Variants in ASTN1 observed in about 807,000 individuals in gnomAD.
ASTN1 encodes the protein astrotactin 1, also known as astrotactin-1.
A neutral mutation model predicts 140.7 loss-of-function variants in ASTN1; 41 were observed. The ratio of observed to expected loss-of-function variants is 0.29; its 90% CI spans 0.23 to 0.38. The LOEUF (loss-of-function observed/expected upper bound fraction) is 0.38, where lower values mean the gene tolerates loss of function less well. Ranked by LOEUF, ASTN1 falls within the 10% of genes least tolerant of loss-of-function variation. ASTN1 has a pLI of 1.00. For synonymous variants in ASTN1, 640 were observed against 652.2 expected, an observed-to-expected ratio of 0.98 and a Z score of 0.29; for missense variants, 1,479 against 1,678.8, an observed-to-expected ratio of 0.88 and a Z score of 2.08.
chr1:176,958,997 AG>A (rs1438193702), intron 9 of ASTN1, among the ~76,000 whole-genome samples: 1 of 152,152 alleles, frequency 6.6e-6, no homozygotes, highest in Non-Finnish European at 1.5e-5. Flanking sequence ...TCCAGGGAGG[AG>A]AGAAGAGCAG....
At chr1:177,032,343 G>T (rs1676482489) in intron 3 of ASTN1, 113 bp downstream of exon 3, 16 of 1,398,522 alleles carry the variant, frequency 1.1e-5, no homozygotes, top group East Asian at 2.3e-5. Flanking sequence ...GAAGGGCACT[G>T]CCACATCACA....
Position 177,043,147 on chromosome 1 carries a change from G to A in ASTN1, c.472-10298C>T, listed in dbSNP as rs920595279. On this transcript the variant is annotated intron_variant, in intron 2 of 22. Coordinates refer to ENST00000361833, the MANE Select transcript of ASTN1 (RefSeq NM_004319.3). ...GAAATCAACTGTCCTCAGAGTCTGA[G>A]AGTACAGACACTCAACCATTTCCTT... is the stretch of plus-strand genomic sequence containing the variant. Among the ~76,000 whole-genome samples the A allele has an allele frequency of 5.9e-5, 9 of 152,216 alleles. No homozygotes were observed. The South Asian group carries it at 6.2e-4, about 11-fold the overall frequency.
intron 16 of ASTN1, among the ~76,000 whole-genome samples, chr1:176,914,598 A>G (rs139911927): frequency 2.0e-5 from 3 of 152,372 alleles, no homozygotes; most frequent in Admixed American, 6.5e-5. Flanking sequence ...CAAGTTAGGA[A>G]GCAAGCAGTG....
intron 2 of ASTN1, among the ~76,000 whole-genome samples, chr1:177,052,397 A>G (rs1677585153): frequency 6.6e-6 from 1 of 152,230 alleles, no homozygotes; most frequent in Non-Finnish European, 1.5e-5. Context: ...ATCTCATTTA[A>G]TAATTAAAAC....
In ASTN1 at chr1:177,023,493, G is replaced by A. The variant is rs777135736; in HGVS notation, c.1349C>T (p.Ser450Phe). The A allele has an allele frequency of 5.6e-6, 9 of 1,612,772 alleles. No individual in the cohort carries two copies. Among genetic ancestry groups the A allele is most frequent in the Non-Finnish European group, 7.6e-6 (9 of 1,179,552 alleles). ...CCAGGGTCCGCTGGAGTTCTGCTGA[G>A]AGAAGAGAACCACTTGGGCAGGGTT... ...WLNPAQVVLFSQQNSSGPWAM... is the reference protein window; with the variant it reads ...WLNPAQVVLFFQQNSSGPWAM... Residue 450 changes from serine (S) to phenylalanine (F), a missense_variant, in exon 7 of 23, where the codon TCT (serine) becomes TTT (phenylalanine). Ser to Phe is a radical substitution (Grantham distance 155, BLOSUM62 -2). Transcript: ENST00000361833.
chr1:176,883,656 C>A (rs997216944), intron 19 of ASTN1, among the ~76,000 whole-genome samples: 1 of 152,192 alleles, frequency 6.6e-6, no homozygotes, highest in Non-Finnish European at 1.5e-5. Flanking sequence ...ATGTCTCTAA[C>A]CCTCAGTGGC....
intron 1 of ASTN1, among the ~76,000 whole-genome samples, chr1:177,155,827 G>A (rs542873218): frequency 6.6e-6 from 1 of 152,304 alleles, no homozygotes; most frequent in Admixed American, 6.5e-5. Context: ...GTTACATATA[G>A]AAATATTTAC....
intron 20 of ASTN1, among the ~76,000 whole-genome samples, chr1:176,877,689 C>A (rs1179727289): frequency 6.6e-6 from 1 of 152,220 alleles, no homozygotes; most frequent in Non-Finnish European, 1.5e-5. Flanking sequence ...CCTCTGATAA[C>A]CAACCCAGTC....
Position 177,047,451 on chromosome 1 carries a change from G to T in ASTN1, c.471+13627C>A, listed in dbSNP as rs114692628. Among the ~76,000 whole-genome samples, 571 of 152,276 alleles carry T rather than the reference G, an allele frequency of 3.7e-3. 1 individual carries two copies. Among genetic ancestry groups the T allele is most frequent in the Non-Finnish European group, 5.9e-3 (400 of 68,018 alleles). On this transcript the variant is annotated intron_variant, in intron 2 of 22. Transcript: ENST00000361833. ...GAGGAGATGAGGGTCAGGCATGAAA[G>T]GTTTAACACCCTGGAAGTTAGCCTT... is the stretch of plus-strand genomic sequence containing the variant.
At chr1:177,098,457 T>G (rs966982171) in intron 1 of ASTN1, among the ~76,000 whole-genome samples, 2 of 152,200 alleles carry the variant, frequency 1.3e-5, no homozygotes, top group African/African-American at 4.8e-5. Context: ...TATTTTTATT[T>G]TTTCTTATTT....
chr1:176,994,018 C>CGT (rs66820378), intron 8 of ASTN1, among the ~76,000 whole-genome samples: 76 of 74,270 alleles, frequency 1.0e-3, no homozygotes, highest in African/African-American at 3.6e-3. Flanking sequence ...TGTGTGTGTA[C>CGT]GTGTGTGTGT....
intron 1 of ASTN1, among the ~76,000 whole-genome samples, chr1:177,065,678 G>T (rs913481236): frequency 1.3e-5 from 2 of 152,270 alleles, no homozygotes; most frequent in African/African-American, 4.8e-5. Flanking sequence ...CTGCAGGGGG[G>T]ATGAGGTGGA....
Position 176,916,901 on chromosome 1 carries a change from G to A in ASTN1, c.2671+17251C>T, listed in dbSNP as rs761596431. 3.9e-5 allele frequency among the ~76,000 whole-genome samples: 6 copies of A among 152,016 alleles called. No homozygotes were observed. In the South Asian group the frequency reaches 8.3e-4, roughly 21 times the overall value. Reference sequence around the variant, plus strand: ...TGGCCCTTTGAACCTCTGCCTCCCCGCCCCGCCCACAACCAGCCTCTCTCC... The same window carrying A: ...TGGCCCTTTGAACCTCTGCCTCCCCACCCCGCCCACAACCAGCCTCTCTCC... On this transcript the variant is annotated intron_variant, in intron 16 of 22. Transcript: ENST00000361833.
chr1:176,943,782 A>G lies in ASTN1; in HGVS notation c.2377+109T>C, dbSNP rs1000280263. On this transcript the variant is annotated intron_variant, in intron 14 of 22. Coordinates refer to ENST00000361833, the MANE Select transcript of ASTN1 (RefSeq NM_004319.3). ...GCTGAGCTTTTATTGTGTATGAAGG[A>G]AATCACTGGCTTAGAAACCAAAATA... is the stretch of plus-strand genomic sequence containing the variant. 4 of 1,344,610 alleles carry G rather than the reference A, an allele frequency of 3.0e-6. No homozygotes were observed. In the African/African-American group the frequency reaches 5.9e-5, roughly 20 times the overall value. 83.3% of individuals were successfully genotyped at this position (1,344,610 alleles called of 1,614,324 possible). A position where few individuals can be genotyped will look rare whatever the true frequency, so the allele number is the denominator to read the frequency against.
intron 1 of ASTN1, among the ~76,000 whole-genome samples, chr1:177,130,847 C>G (rs1219162315): frequency 6.6e-6 from 1 of 152,224 alleles, no homozygotes; most frequent in Non-Finnish European, 1.5e-5. Flanking sequence ...TCCTGGCATG[C>G]AGCATTCTCT....
intron 16 of ASTN1, among the ~76,000 whole-genome samples, chr1:176,904,530 T>C (rs1350174268): frequency 1.3e-5 from 2 of 151,922 alleles, no homozygotes; most frequent in African/African-American, 4.8e-5. Flanking sequence ...CCTGCGGGAT[T>C]TGCTATTTCC....
chr1:176,994,136 A>C (rs1674326333), intron 8 of ASTN1, among the ~76,000 whole-genome samples: 2 of 146,998 alleles, frequency 1.4e-5, no homozygotes, highest in South Asian at 4.5e-4. Context: ...GAACTAAGAG[A>C]CTGGAAAGAA....
At chr1:177,102,071 A>G (rs1031747675) in intron 1 of ASTN1, among the ~76,000 whole-genome samples, 1 of 152,190 alleles carries the variant, frequency 6.6e-6, no homozygotes, top group African/African-American at 2.4e-5. Flanking sequence ...GGGTCCCACT[A>G]ATTACAAAGA....
intron 20 of ASTN1, among the ~76,000 whole-genome samples, chr1:176,877,675 AG>A (rs1234824701): frequency 3.3e-5 from 5 of 152,244 alleles, no homozygotes; most frequent in African/African-American, 1.2e-4. Context: ...GTCTGTGCCA[AG>A]GGCCTCTGAT....
Sources: gnomAD v4.1 joint callset for allele counts (sites outside exome capture counted in the v4.1 genomes callset) on GRCh38, gnomAD v4.1.1 for gene constraint, MANE v1.5 for transcripts, NCBI Gene and HGNC (gene_info 2026-07-23, HGNC 2026-07-21) for gene names.